The following BNC2 variants were observed in gnomAD, a reference collection of about 807,000 sequenced individuals.
The protein encoded by BNC2 is zinc finger protein basonuclin-2.
BNC2 carries 20 observed loss-of-function variants against 76.3 expected under a neutral mutation model. That is an observed-to-expected ratio of 0.26 (90% CI 0.18 to 0.38). The LOEUF is 0.38. Ranked by LOEUF, BNC2 falls within the 10% of genes least tolerant of loss-of-function variation. The probability of loss-of-function intolerance (pLI) is 1.00; values close to 1 mark genes in which losing one functional copy is unlikely to be tolerated. For missense variants in BNC2, 1,382 were observed against 1,399.8 expected, an observed-to-expected ratio of 0.99 and a Z score of 0.20; for synonymous variants, 582 against 514.8, an observed-to-expected ratio of 1.13 and a Z score of -1.77.
chr9:16,560,357 C>T (rs964085485), intron 4 of BNC2, among the ~76,000 whole-genome samples: 10 of 152,100 alleles, frequency 6.6e-5, no homozygotes, highest in Admixed American at 2.0e-4. Context: ...AGGCAAAGAC[C>T]TGTGGAAAGC....
intron 3 of BNC2, among the ~76,000 whole-genome samples, chr9:16,634,815 T>G (rs1821273902): frequency 6.6e-6 from 1 of 152,136 alleles, no homozygotes; most frequent in Admixed American, 6.5e-5. Flanking sequence ...TACCTCATTC[T>G]TAAACCCCAA....
At chr9:16,692,055 C>A (rs1450345387) in intron 3 of BNC2, among the ~76,000 whole-genome samples, 1 of 152,122 alleles carries the variant, frequency 6.6e-6, no homozygotes. Flanking sequence ...AAGTGATCTG[C>A]CCACCTTGGC....
intron 3 of BNC2, among the ~76,000 whole-genome samples, chr9:16,632,162 G>A (rs1301878495): frequency 6.6e-6 from 1 of 152,128 alleles, no homozygotes; most frequent in Non-Finnish European, 1.5e-5. Context: ...GACTACCCAT[G>A]TCATCTTGCA....
At chr9:16,768,440 G>A (rs1825751813) in intron 1 of BNC2, among the ~76,000 whole-genome samples, 1 of 152,156 alleles carries the variant, frequency 6.6e-6, no homozygotes, top group Non-Finnish European at 1.5e-5. Flanking sequence ...TTGGATAATG[G>A]CAACAGAGAC....
intron 3 of BNC2, among the ~76,000 whole-genome samples, chr9:16,715,320 T>C (rs978602241): frequency 2.0e-5 from 3 of 152,178 alleles, no homozygotes; most frequent in Admixed American, 6.5e-5. Flanking sequence ...AAGCTATACA[T>C]CAAAACTATC....
intron 5 of BNC2, among the ~76,000 whole-genome samples, chr9:16,531,211 T>A (rs899904259): frequency 3.4e-4 from 52 of 152,186 alleles, no homozygotes; most frequent in African/African-American, 1.2e-3. Context: ...AAGACCACAG[T>A]AGCCTCAGTC....
intron 3 of BNC2, among the ~76,000 whole-genome samples, chr9:16,618,854 A>C (rs10117237): frequency 1.3e-5 from 2 of 152,172 alleles, no homozygotes; most frequent in Admixed American, 1.3e-4. Flanking sequence ...ACAGTCCTGA[A>C]GCTCTAAGAA....
intron 6 of BNC2, among the ~76,000 whole-genome samples, chr9:16,426,506 G>T (rs1039671983): frequency 9.9e-5 from 15 of 152,052 alleles, no homozygotes; most frequent in African/African-American, 3.6e-4. Context: ...GTAACAGTCA[G>T]GATGCATGAG....
At chr9:16,804,922 T>C (rs1424649101) in intron 1 of BNC2, among the ~76,000 whole-genome samples, 2 of 151,576 alleles carry the variant, frequency 1.3e-5, no homozygotes, top group Non-Finnish European at 2.9e-5. Context: ...ATTAGCCGGG[T>C]GTGGTGGCAT....
intron 1 of BNC2, among the ~76,000 whole-genome samples, chr9:16,844,584 G>A (rs566274341): frequency 3.1e-4 from 43 of 138,228 alleles, no homozygotes; most frequent in African/African-American, 1.1e-3. Flanking sequence ...TGCAACCTCC[G>A]CCTACCAGGT....
chr9:16,428,275 G>C (rs1003776193), intron 6 of BNC2, among the ~76,000 whole-genome samples: 5 of 152,176 alleles, frequency 3.3e-5, no homozygotes, highest in Admixed American at 2.6e-4. Context: ...TGCCCCCTCA[G>C]TGACAGAGCA....
At chr9:16,554,645 G>T (rs1341264841) in intron 4 of BNC2, among the ~76,000 whole-genome samples, 1 of 152,072 alleles carries the variant, frequency 6.6e-6, no homozygotes, top group Non-Finnish European at 1.5e-5. Context: ...GCAGGGATGG[G>T]GTATTACTAT....
intron 3 of BNC2, among the ~76,000 whole-genome samples, chr9:16,611,049 T>C (rs1431759747): frequency 3.3e-5 from 5 of 152,182 alleles, no homozygotes; most frequent in Non-Finnish European, 7.3e-5. Context: ...AGTTCATTTG[T>C]TGAAGCAATT....
At chr9:16,552,424 C>T (rs1587161139) in intron 5 of BNC2, 106 bp downstream of exon 5, 3 of 929,480 alleles carry the variant, frequency 3.2e-6, no homozygotes, top group Non-Finnish European at 5.1e-6. Flanking sequence ...ACCACTTTAA[C>T]CAGAGGAGGG....
intron 1 of BNC2, among the ~76,000 whole-genome samples, chr9:16,801,836 A>T (rs946189819): frequency 6.6e-5 from 10 of 152,018 alleles, no homozygotes; most frequent in Non-Finnish European, 1.5e-4. Context: ...GCTTCAAAAC[A>T]GCTGTGTGAA....
intron 5 of BNC2, among the ~76,000 whole-genome samples, chr9:16,454,600 A>G (rs1421797446): frequency 6.6e-6 from 1 of 152,062 alleles, no homozygotes; most frequent in Non-Finnish European, 1.5e-5. Flanking sequence ...CACACAACAC[A>G]ATTTTTATGA....
At chr9:16,554,744 G>A (rs1006255441) in intron 4 of BNC2, among the ~76,000 whole-genome samples, 2 of 151,880 alleles carry the variant, frequency 1.3e-5, no homozygotes, top group African/African-American at 4.8e-5. Flanking sequence ...GATCGGGGGC[G>A]ATCTGCTCCT....
At chr9:16,856,957 C>T (rs1819273432) in intron 1 of BNC2, among the ~76,000 whole-genome samples, 1 of 152,118 alleles carries the variant, frequency 6.6e-6, no homozygotes, top group South Asian at 2.1e-4. Context: ...TACTTACATT[C>T]TTTATGACCT....
At chr9:16,505,111 C>T (rs868084837) in intron 5 of BNC2, among the ~76,000 whole-genome samples, 1 of 152,280 alleles carries the variant, frequency 6.6e-6, no homozygotes, top group Middle Eastern at 3.4e-3. Flanking sequence ...AGAACAGAAC[C>T]TATCTTCTGG....
Sources: gnomAD v4.1 joint callset for allele counts (sites outside exome capture counted in the v4.1 genomes callset) on GRCh38, gnomAD v4.1.1 for gene constraint, MANE v1.5 for transcripts, NCBI Gene and HGNC (gene_info 2026-07-23, HGNC 2026-07-21) for gene names.